The following DHX57 variants were observed in gnomAD, a reference collection of about 807,000 sequenced individuals.
DHX57 encodes putative ATP-dependent RNA helicase DHX57.
DHX57 carries 105 observed loss-of-function variants against 156.2 expected under a neutral mutation model. The observed-to-expected ratio is 0.67, with a 90% CI of 0.57 to 0.79. The LOEUF (loss-of-function observed/expected upper bound fraction) is 0.79, where lower values mean the gene tolerates loss of function less well. Among genes scored for constraint, DHX57 ranks in the 30% least tolerant of loss-of-function variants. The pLI is 0.00. For synonymous variants in DHX57, 704 were observed against 595.6 expected, an observed-to-expected ratio of 1.18 and a Z score of -2.65; for missense variants, 1,847 against 1,661.9, an observed-to-expected ratio of 1.11 and a Z score of -1.94.
chr2:38,854,118 C>G lies in DHX57; in HGVS notation c.1966G>C (p.Asp656His), dbSNP rs1672757520. The change falls in exon 9 of 24, where the codon GAT becomes CAT. Residue 656 changes from aspartate to histidine, a missense_variant. Asp to His is a moderately conservative substitution (Grantham distance 81, BLOSUM62 -1). Coordinates refer to ENST00000457308, the MANE Select transcript of DHX57 (RefSeq NM_198963.3). ...TGVLLRRLEG[D>H]TALQGVSHII... is the part of the protein sequence containing the mutation. Reference sequence around the variant, plus strand: ...TGGGAAACTCCTTGTAGAGCTGTATCTCCTTCTAGCCTTCTCAGCAGCACT... The same window carrying G: ...TGGGAAACTCCTTGTAGAGCTGTATGTCCTTCTAGCCTTCTCAGCAGCACT... 8 of 1,614,066 alleles carry G rather than the reference C, an allele frequency of 5.0e-6. No homozygotes were observed. The highest frequency in any genetic ancestry group is 6.8e-6 in the Non-Finnish European group (8 of 1,179,958).
At chr2:38,832,538 T>C (rs1020872052) in intron 13 of DHX57, among the ~76,000 whole-genome samples, 10 of 26,528 alleles carry the variant, frequency 3.8e-4, no homozygotes, top group Non-Finnish European at 1.0e-3. Context: ...GATTAATATA[T>C]ATATATATAT....
At position 38,856,383 on chromosome 2, in the gene DHX57, A is replaced by C; in HGVS notation, c.1666T>G (p.Leu556Val). 1 of 1,613,910 alleles carries C rather than the reference A, an allele frequency of 6.2e-7. No homozygotes were observed. The highest frequency in any genetic ancestry group is 8.5e-7 in the Non-Finnish European group (1 of 1,179,974). ...AWEERETILN[L>V]LRKHQVVVIS... ...ACAACCACCTGGTGCTTACGCAATA[A>C]GTTAAGAATGGTTTCTCTTTCTTCC... is the stretch of plus-strand genomic sequence containing the variant. The change falls in exon 7 of 24, where the codon TTA (leucine) becomes GTA (valine). Residue 556 changes from leucine (L) to valine (V), a missense_variant. By Grantham distance (32) the Leu-to-Val change is conservative. Coordinates refer to ENST00000457308, the MANE Select transcript of DHX57 (RefSeq NM_198963.3).
intron 3 of DHX57, 76 bp from the exon 4 acceptor site, chr2:38,862,409 G>C: frequency 1.5e-6 from 2 of 1,345,134 alleles, no homozygotes; most frequent in South Asian, 4.1e-5. Flanking sequence ...AAAGGTCTAA[G>C]AATTTAATTC....
chr2:38,845,187 C>G (rs1366799577), intron 11 of DHX57, among the ~76,000 whole-genome samples: 1 of 150,690 alleles, frequency 6.6e-6, no homozygotes, highest in Non-Finnish European at 1.5e-5. Flanking sequence ...CAGAGTGAGG[C>G]TGTCTTAAAA....
chr2:38,871,856 G>A (rs573210564), intron 1 of DHX57, among the ~76,000 whole-genome samples: 1 of 151,996 alleles, frequency 6.6e-6, no homozygotes, highest in African/African-American at 2.4e-5. Flanking sequence ...ACAGGTGACC[G>A]CCGCCGGCTA....
chr2:38,831,805 T>C (rs7602287), intron 13 of DHX57, among the ~76,000 whole-genome samples: 54,074 of 147,676 alleles, frequency 0.37, 9,994 homozygotes, highest in Admixed American at 0.39. Context: ...TGCAGTGAGC[T>C]GAGATCACAC....
intron 7 of DHX57, 65 bp downstream of exon 7, chr2:38,856,275 A>G (rs1292156012): frequency 6.4e-7 from 1 of 1,554,252 alleles, no homozygotes; most frequent in Non-Finnish European, 8.6e-7. Context: ...TCAACTGGTT[A>G]TGGTAACCAG....
At chr2:38,867,668 C>T (rs1665148385) in intron 2 of DHX57, among the ~76,000 whole-genome samples, 1 of 152,170 alleles carries the variant, frequency 6.6e-6, no homozygotes, top group Admixed American at 6.5e-5. Flanking sequence ...AAGCAATTCT[C>T]CTGCCTCAGC....
At chr2:38,833,613 C>T (rs944833623) in intron 13 of DHX57, among the ~76,000 whole-genome samples, 6 of 151,956 alleles carry the variant, frequency 3.9e-5, no homozygotes, top group Non-Finnish European at 5.9e-5. Flanking sequence ...AGAAGGCTAC[C>T]GGGATGGGAA....
At chr2:38,873,689 G>A (rs1665459159) in intron 1 of DHX57, among the ~76,000 whole-genome samples, 5 of 152,174 alleles carry the variant, frequency 3.3e-5, no homozygotes, top group Admixed American at 3.3e-4. Flanking sequence ...TATTTATTGA[G>A]CACTTATTAT....
chr2:38,863,510 G>A lies in DHX57; in HGVS notation c.234C>T (p.Asn78=). Reference sequence around the variant, plus strand: ...GTGACTCTCCTTTGCTTATGTTACTGTTGCTAGGTCTATAGAGAACAAAAG... The same window carrying A: ...GTGACTCTCCTTTGCTTATGTTACTATTGCTAGGTCTATAGAGAACAAAAG... ...SESRRPSRPS[N]SNISKGESRP... Residue 78 remains asparagine (N), a synonymous_variant, in exon 3 of 24, where the codon AAC becomes AAT. Transcript: ENST00000457308. The A allele has an allele frequency of 3.7e-6, 6 of 1,613,402 alleles. No individual in the cohort carries two copies. The highest frequency in any genetic ancestry group is 4.2e-6 in the Non-Finnish European group (5 of 1,179,848).
rs906697968 is a variant in DHX57 at position 38,831,107 on chromosome 2, C to T, written c.2543-2671G>A. On this transcript the variant is annotated intron_variant, in intron 13 of 23. Coordinates refer to ENST00000457308, the MANE Select transcript of DHX57 (RefSeq NM_198963.3). ...AAAAAATTATTTATTAAAAGATAAG[C>T]AAAAAGAAAAATACAAAGGAAAAAA... 6.7e-5 allele frequency among the ~76,000 whole-genome samples: 10 copies of T among 148,988 alleles called. No individual in the cohort carries two copies. The East Asian group carries it at 2.0e-3, about 29-fold the overall frequency.
intron 21 of DHX57, among the ~76,000 whole-genome samples, 164 bp downstream of exon 21, chr2:38,813,657 C>T (rs1359201861): frequency 6.6e-6 from 1 of 152,170 alleles, no homozygotes; most frequent in Non-Finnish European, 1.5e-5. Flanking sequence ...CAGGCGTGAG[C>T]CACCGCACCC....
intron 1 of DHX57, among the ~76,000 whole-genome samples, chr2:38,872,328 T>C (rs1665394578): frequency 6.6e-6 from 1 of 152,158 alleles, no homozygotes; most frequent in Admixed American, 6.5e-5. Flanking sequence ...AAAATAGACA[T>C]TGAGAAATAC....
intron 1 of DHX57, among the ~76,000 whole-genome samples, chr2:38,873,590 G>C (rs371875413): frequency 1.2e-4 from 18 of 152,266 alleles, no homozygotes; most frequent in African/African-American, 4.3e-4. Flanking sequence ...TAGGAATTCA[G>C]TATCTATTTG....
At chr2:38,819,211 G>A in intron 17 of DHX57, 67 bp from the exon 18 acceptor site, 2 of 1,497,732 alleles carry the variant, frequency 1.3e-6, no homozygotes, top group East Asian at 2.3e-5. Flanking sequence ...GTCTTGTTCT[G>A]TTGCCCAGGC....
At chr2:38,872,331 A>C (rs1665394770) in intron 1 of DHX57, among the ~76,000 whole-genome samples, 1 of 152,268 alleles carries the variant, frequency 6.6e-6, no homozygotes, top group Non-Finnish European at 1.5e-5. Context: ...ATAGACATTG[A>C]GAAATACAGA....
chr2:38,815,764 G>T, intron 19 of DHX57, 109 bp from the exon 20 acceptor site: 1 of 1,332,580 alleles, frequency 7.5e-7, no homozygotes. Flanking sequence ...GTAGCAATGA[G>T]GCTCAAGTGG....
chr2:38,856,502 T>TA, intron 6 of DHX57, 41 bp from the exon 7 acceptor site: 6 of 1,536,506 alleles, frequency 3.9e-6, no homozygotes, highest in South Asian at 1.3e-5. Flanking sequence ...GGTTACTTTT[T>TA]CTTTTTTTTT....
Sources: gnomAD v4.1 joint callset for allele counts (sites outside exome capture counted in the v4.1 genomes callset) on GRCh38, gnomAD v4.1.1 for gene constraint, MANE v1.5 for transcripts, NCBI Gene and HGNC (gene_info 2026-07-23, HGNC 2026-07-21) for gene names.